The following DIS3L2 variants were observed in gnomAD, a reference collection of about 807,000 sequenced individuals.
DIS3L2 encodes the protein DIS3-like exonuclease 2.
Under a neutral mutation model 97.5 loss-of-function variants are expected in DIS3L2, and 34 were observed. The ratio of observed to expected loss-of-function variants is 0.35; its 90% CI spans 0.27 to 0.46. The LOEUF is 0.46. Ranked by LOEUF, DIS3L2 falls within the 20% of genes least tolerant of loss-of-function variation. DIS3L2 has a pLI of 1.00. For missense variants in DIS3L2, 1,038 were observed against 1,146.0 expected, an observed-to-expected ratio of 0.91 and a Z score of 1.36; for synonymous variants, 435 against 445.2, an observed-to-expected ratio of 0.98 and a Z score of 0.29.
chr2:232,275,762 C>T (rs1031399743), intron 13 of DIS3L2, among the ~76,000 whole-genome samples: 4 of 151,874 alleles, frequency 2.6e-5, no homozygotes, highest in Non-Finnish European at 5.9e-5. Context: ...GCTAGGTGTC[C>T]GGGACAAAGA....
rs1698368476 is a variant in DIS3L2 at position 232,136,695 on chromosome 2, A to G, written c.926A>G (p.Lys309Arg). The G allele has an allele frequency of 2.5e-6, 4 of 1,613,958 alleles. No individual in the cohort carries two copies. Among genetic ancestry groups the G allele is most frequent in the Non-Finnish European group, 2.5e-6 (3 of 1,179,906 alleles). The change falls in exon 8 of 21, where the codon AAG becomes AGG. Residue 309 changes from lysine to arginine, a missense_variant. Around this residue, in one of 3 missense-constraint regions of DIS3L2, gnomAD observed 813 missense variants for 880.1 expected, o/e 0.92. Transcript: ENST00000325385. The stretch of plus-strand genomic sequence containing the variant: ...TTCATCTGCCGCATTGTGGACTGGA[A>G]GGAGGACTGCAATTTTGCCCTGGGG... ...TLFICRIVDW[K>R]EDCNFALGQL...
chr2:232,253,583 G>A (rs1693474640), intron 12 of DIS3L2, among the ~76,000 whole-genome samples: 1 of 152,124 alleles, frequency 6.6e-6, no homozygotes, highest in Non-Finnish European at 1.5e-5. Context: ...TAGTATTTAT[G>A]TAATCATAAT....
downstream of DIS3L2, among the ~76,000 whole-genome samples, chr2:232,341,922 C>T (rs569081793): frequency 1.2e-4 from 19 of 152,348 alleles, no homozygotes; most frequent in South Asian, 3.5e-3. Context: ...TGGGCAGCCA[C>T]GCAGACCCCC....
At chr2:232,158,588 T>C (rs1690564808) in intron 8 of DIS3L2, among the ~76,000 whole-genome samples, 1 of 152,222 alleles carries the variant, frequency 6.6e-6, no homozygotes, top group Admixed American at 6.5e-5. Context: ...ATGTAATTCT[T>C]TGTTTCTCCC....
chr2:232,139,478 G>A (rs1286376352), intron 8 of DIS3L2, among the ~76,000 whole-genome samples: 2 of 152,118 alleles, frequency 1.3e-5, no homozygotes, highest in Admixed American at 6.6e-5. Flanking sequence ...TCCCTCGTCA[G>A]TAGTTTCAAG....
intron 5 of DIS3L2, among the ~76,000 whole-genome samples, chr2:232,036,715 C>T (rs1694958773): frequency 6.6e-6 from 1 of 152,076 alleles, no homozygotes; most frequent in Non-Finnish European, 1.5e-5. Context: ...GTGTGGTGGT[C>T]CTTTTTGTTG....
intron 14 of DIS3L2, among the ~76,000 whole-genome samples, chr2:232,326,530 GCCC>G (rs1482615225): frequency 6.6e-6 from 1 of 152,108 alleles, no homozygotes; most frequent in African/African-American, 2.4e-5. Context: ...TGTTCACTCT[GCCC>G]CCATCTGCTA....
At chr2:232,241,324 CAG>C (rs1431710686) in intron 11 of DIS3L2, among the ~76,000 whole-genome samples, 5 of 152,246 alleles carry the variant, frequency 3.3e-5, no homozygotes, top group African/African-American at 1.2e-4. Flanking sequence ...CTTCATCACA[CAG>C]GGGAAGGGGG....
intron 14 of DIS3L2, among the ~76,000 whole-genome samples, chr2:232,307,339 T>G (rs1361106546): frequency 6.6e-6 from 1 of 152,230 alleles, no homozygotes; most frequent in African/African-American, 2.4e-5. Context: ...CTTTCCAGCT[T>G]TGTCTTTTCA....
intron 20 of DIS3L2, chr2:232,336,146 T>G: frequency 3.3e-6 from 5 of 1,534,426 alleles, no homozygotes; most frequent in Non-Finnish European, 4.4e-6. Flanking sequence ...TCTAGGGTCC[T>G]TTAGAGAACC....
intron 11 of DIS3L2, among the ~76,000 whole-genome samples, chr2:232,244,079 C>T (rs1693177826): frequency 6.6e-6 from 1 of 152,196 alleles, no homozygotes. Flanking sequence ...ATAAACAAGT[C>T]TTATCTAGAA....
intron 5 of DIS3L2, among the ~76,000 whole-genome samples, chr2:232,077,665 A>G (rs1416363034): frequency 2.0e-5 from 3 of 152,228 alleles, no homozygotes; most frequent in African/African-American, 7.2e-5. Flanking sequence ...TCCTTCAGAG[A>G]TTAGACTAAA....
At chr2:232,200,780 GTTTTTTTTTTTT>G (rs1183177130) in intron 9 of DIS3L2, among the ~76,000 whole-genome samples, 1 of 124,800 alleles carries the variant, frequency 8.0e-6, no homozygotes, top group Admixed American at 8.5e-5. Context: ...TGACCAAAAG[GTTTTTTTTTTTT>G]TTTTTTTTTT....
intron 1 of DIS3L2, among the ~76,000 whole-genome samples, chr2:231,984,043 G>A (rs1358966518): frequency 6.6e-6 from 1 of 151,822 alleles, no homozygotes; most frequent in Non-Finnish European, 1.5e-5. Context: ...AATACTTTTT[G>A]CGTATTGGAT....
intron 13 of DIS3L2, among the ~76,000 whole-genome samples, chr2:232,290,693 C>T (rs1202164646): frequency 6.6e-6 from 1 of 152,190 alleles, no homozygotes; most frequent in Admixed American, 6.5e-5. Context: ...GAGAACAGAG[C>T]AAGCCTCTGG....
chr2:232,341,480 CAAG>C (rs1278606831), downstream of DIS3L2, among the ~76,000 whole-genome samples: 4 of 150,608 alleles, frequency 2.7e-5, no homozygotes, highest in African/African-American at 7.5e-5. Flanking sequence ...GCAGTGCAAG[CAAG>C]AAGAGGTAGC....
At chr2:232,055,253 G>GA (rs1695516034) in intron 5 of DIS3L2, among the ~76,000 whole-genome samples, 1 of 152,168 alleles carries the variant, frequency 6.6e-6, no homozygotes, top group Non-Finnish European at 1.5e-5. Context: ...GATAAAGCAA[G>GA]AAAAAAGACA....
At chr2:232,137,449 T>C (rs1698390365) in intron 8 of DIS3L2, among the ~76,000 whole-genome samples, 1 of 152,222 alleles carries the variant, frequency 6.6e-6, no homozygotes, top group African/African-American at 2.4e-5. Flanking sequence ...TGGTTTATGC[T>C]TCACAGGAAA....
chr2:232,054,868 A>G (rs1695501376), intron 5 of DIS3L2, among the ~76,000 whole-genome samples: 1 of 152,222 alleles, frequency 6.6e-6, no homozygotes, highest in African/African-American at 2.4e-5. Context: ...AAAATAATAG[A>G]AAATTGAATC....
Sources: allele counts gnomAD v4.1 joint callset (sites outside exome capture counted in the v4.1 genomes callset), GRCh38; gene constraint gnomAD v4.1.1; regional missense constraint gnomAD v4.1.1; transcripts MANE v1.5; gene names NCBI Gene and HGNC (gene_info 2026-07-23, HGNC 2026-07-21).